The following CRLF3 variants were observed in gnomAD, a reference collection of about 807,000 sequenced individuals.
The protein encoded by CRLF3 is cytokine receptor-like factor 3.
A neutral mutation model predicts 55.0 loss-of-function variants in CRLF3; 33 were observed. The observed-to-expected ratio is 0.60, with a 90% CI of 0.46 to 0.80. The LOEUF (loss-of-function observed/expected upper bound fraction) is 0.80, where lower values mean the gene tolerates loss of function less well. Ranked by LOEUF, CRLF3 falls within the 30% of genes least tolerant of loss-of-function variation. The pLI is 0.00. For missense variants in CRLF3, 494 were observed against 538.4 expected (o/e 0.92, Z 0.82); for synonymous variants, 238 against 196.8 (o/e 1.21, Z -1.75).
intron 6 of CRLF3, 187 bp from the exon 7 acceptor site, chr17:30,786,218 T>C (rs1971643708): frequency 2.1e-6 from 1 of 480,178 alleles, no homozygotes; most frequent in African/African-American, 2.0e-5. Context: ...TCTATCATTC[T>C]TACAACAATC....
At chr17:30,817,021 A>T (rs1904829270) in intron 1 of CRLF3, among the ~76,000 whole-genome samples, 1 of 152,110 alleles carries the variant, frequency 6.6e-6, no homozygotes, top group East Asian at 1.9e-4. Flanking sequence ...TTTTATTTTT[A>T]CCCCCCTTAT....
intron 1 of CRLF3, among the ~76,000 whole-genome samples, chr17:30,817,129 C>T (rs1188912251): frequency 6.6e-6 from 1 of 152,018 alleles, no homozygotes; most frequent in Non-Finnish European, 1.5e-5. Flanking sequence ...CAATAGACTC[C>T]ACCTCTGTAT....
chr17:30,821,695 T>G (rs1387158979), intron 1 of CRLF3, among the ~76,000 whole-genome samples: 1 of 152,148 alleles, frequency 6.6e-6, no homozygotes, highest in African/African-American at 2.4e-5. Context: ...ACATACTGTA[T>G]GAGTTCATTT....
intron 7 of CRLF3, chr17:30,784,924 A>G (rs1202229676): frequency 6.4e-6 from 1 of 155,786 alleles, no homozygotes; most frequent in Non-Finnish European, 1.4e-5. Context: ...TAATTTTTGT[A>G]TTTGTAGTGG....
In CRLF3 at chr17:30,824,485, C is replaced by G. The variant is rs774262307; in HGVS notation, c.129+38G>C. ...CCTTCGCCCGGCATCCGCGCCACCC[C>G]CGGGCCCACAGCGCCCCTGTGGGTG... On this transcript the variant is annotated intron_variant, in intron 1 of 7. Transcript: ENST00000324238. 18 of 1,554,292 alleles carry G rather than the reference C, an allele frequency of 1.2e-5. No homozygotes were observed. The East Asian group carries it at 3.6e-4, about 31-fold the overall frequency.
intron 6 of CRLF3, among the ~76,000 whole-genome samples, chr17:30,792,036 T>TG (rs1480772135): frequency 1.3e-5 from 2 of 151,988 alleles, no homozygotes; most frequent in African/African-American, 2.4e-5. Flanking sequence ...TTAGTAGAGA[T>TG]GGGGTTTCTC....
chr17:30,823,658 T>C (rs144741095), intron 1 of CRLF3, among the ~76,000 whole-genome samples: 62 of 152,118 alleles, frequency 4.1e-4, no homozygotes, highest in African/African-American at 1.5e-3. Context: ...CTATCGCCAA[T>C]TGGCAGCGGG....
At chr17:30,818,901 C>G (rs1450814529) in intron 1 of CRLF3, among the ~76,000 whole-genome samples, 2 of 151,826 alleles carry the variant, frequency 1.3e-5, no homozygotes, top group East Asian at 3.9e-4. Context: ...CTGCAACCTC[C>G]ATCTCCCAGG....
intron 6 of CRLF3, chr17:30,787,650 CATA>C (rs978905204): frequency 6.6e-6 from 1 of 152,102 alleles, no homozygotes; most frequent in African/African-American, 2.4e-5. Flanking sequence ...CATGCAGGAT[CATA>C]ATATTTGGGT....
rs192114910 is a variant in CRLF3 at position 30,816,033 on chromosome 17, C to T, written c.129+8490G>A. 1.9e-3 allele frequency among the ~76,000 whole-genome samples: 289 copies of T among 149,542 alleles called. 4 individuals carry two copies. The highest frequency in any genetic ancestry group is 1.2e-3 in the Non-Finnish European group (84 of 67,542). ...GCATGGTGGCTCACACCTGTAATCC[C>T]AACACTCTGGGAGGCCAAGGCGGGC... On this transcript the variant is annotated intron_variant, in intron 1 of 7. Transcript: ENST00000324238.
intron 7 of CRLF3, chr17:30,785,209 AG>A (rs1248825652): frequency 3.4e-5 from 5 of 148,102 alleles, no homozygotes; most frequent in African/African-American, 7.5e-5. Flanking sequence ...CCAAGTAGCT[AG>A]GATTACAGGC....
intron 1 of CRLF3, among the ~76,000 whole-genome samples, chr17:30,806,312 A>G (rs1009728130): frequency 6.6e-6 from 1 of 152,214 alleles, no homozygotes; most frequent in African/African-American, 2.4e-5. Flanking sequence ...CAATTGCAGA[A>G]GTTTACAAAT....
At chr17:30,813,514 C>G (rs917798962) in intron 1 of CRLF3, among the ~76,000 whole-genome samples, 12 of 151,928 alleles carry the variant, frequency 7.9e-5, no homozygotes, top group Admixed American at 2.0e-4. Context: ...GTTGGAGGAG[C>G]AGGGGATGTC....
intron 1 of CRLF3, among the ~76,000 whole-genome samples, chr17:30,815,541 C>A (rs1478186626): frequency 8.6e-6 from 1 of 116,392 alleles, no homozygotes; most frequent in Non-Finnish European, 1.7e-5. Flanking sequence ...CTAGTTTCTT[C>A]TTTTTTTTTT....
At chr17:30,792,309 A>C (rs977927256) in intron 6 of CRLF3, 131 bp downstream of exon 6, 1 of 739,634 alleles carries the variant, frequency 1.4e-6, no homozygotes, top group East Asian at 2.6e-5. Flanking sequence ...GAAATAAAGA[A>C]GCCTTCCCAC....
At chr17:30,801,140 C>A (rs1390342947) in intron 2 of CRLF3, 1 of 151,840 alleles carries the variant, frequency 6.6e-6, no homozygotes, top group African/African-American at 2.4e-5. Flanking sequence ...TGGTCTCGAA[C>A]TCCTTACCTC....
chr17:30,799,366 T>G (rs1331049917), intron 2 of CRLF3, among the ~76,000 whole-genome samples: 1 of 152,034 alleles, frequency 6.6e-6, no homozygotes, highest in Non-Finnish European at 1.5e-5. Flanking sequence ...CTCAAAGGGA[T>G]TTTTTCTTTT....
intron 2 of CRLF3, among the ~76,000 whole-genome samples, chr17:30,802,104 A>G (rs1972014523): frequency 6.6e-6 from 1 of 151,918 alleles, no homozygotes; most frequent in Non-Finnish European, 1.5e-5. Context: ...ATCCCAAAGG[A>G]AAGAACTCTC....
rs562528495 is a variant in CRLF3 at position 30,812,113 on chromosome 17, AAAAAAT to A, written c.130-8011_130-8006del. ...CGACAGAGCGAGACTCCGTCTAAAAAAAAAATAAAAATAAAAATAAAAATAAAGACA... is the reference window on the plus strand; with the variant it reads ...CGACAGAGCGAGACTCCGTCTAAAAAAAAAATAAAAATAAAAATAAAGACA... On this transcript the variant is annotated intron_variant, in intron 1 of 7. Transcript: ENST00000324238. Among the ~76,000 whole-genome samples, 333 of 152,216 alleles carry A rather than the reference AAAAAAT, an allele frequency of 2.2e-3. 1 individual carries two copies. Among genetic ancestry groups the A allele is most frequent in the African/African-American group, 4.9e-3 (203 of 41,574 alleles).
Sources: gnomAD v4.1 joint callset for allele counts (sites outside exome capture counted in the v4.1 genomes callset) on GRCh38, gnomAD v4.1.1 for gene constraint, MANE v1.5 for transcripts, NCBI Gene and HGNC (gene_info 2026-07-23, HGNC 2026-07-21) for gene names.